PAAF1: variants seen among roughly 807,000 people sequenced by gnomAD.
PAAF1 encodes the protein proteasomal ATPase-associated factor 1.
Under a neutral mutation model 52.8 loss-of-function variants are expected in PAAF1, and 46 were observed. The ratio of observed to expected loss-of-function variants is 0.87; its 90% CI spans 0.69 to 1.11. The LOEUF is 1.11. PAAF1 is among the 50% of genes most tolerant of loss of function. The pLI is 0.00. For synonymous variants in PAAF1, 178 were observed against 172.8 expected (o/e 1.03, Z -0.24); for missense variants, 424 against 477.4 (o/e 0.89, Z 1.04).
intron 6 of PAAF1, among the ~76,000 whole-genome samples, chr11:73,909,177 C>T (rs777705677): frequency 2.0e-5 from 3 of 152,272 alleles, no homozygotes; most frequent in East Asian, 1.9e-4. Flanking sequence ...AAATTAAATC[C>T]AGTACTTGTT....
intron 2 of PAAF1, among the ~76,000 whole-genome samples, chr11:73,885,049 C>T (rs1237099036): frequency 4.6e-5 from 7 of 151,614 alleles, no homozygotes; most frequent in Non-Finnish European, 1.0e-4. Flanking sequence ...TTAGTAGAGA[C>T]GGGGTTTCAC....
intron 11 of PAAF1, among the ~76,000 whole-genome samples, chr11:73,926,536 T>C (rs1399478972): frequency 1.3e-5 from 2 of 152,124 alleles, no homozygotes; most frequent in African/African-American, 2.4e-5. Flanking sequence ...GGTGAAACCC[T>C]GTCTCTACTA....
chr11:73,901,838 T>C (rs539827001), intron 6 of PAAF1, among the ~76,000 whole-genome samples: 3 of 151,744 alleles, frequency 2.0e-5, no homozygotes, highest in Non-Finnish European at 4.4e-5. Context: ...CCCAAAGTGC[T>C]GGGATAACAG....
intron 4 of PAAF1, among the ~76,000 whole-genome samples, chr11:73,895,999 A>G (rs956775271): frequency 2.6e-5 from 4 of 152,174 alleles, no homozygotes; most frequent in African/African-American, 9.6e-5. Context: ...AATCTCAGCT[A>G]TTGGGAAGCT....
At chr11:73,878,953 G>C in intron 2 of PAAF1, 134 bp downstream of exon 2, 3 of 671,022 alleles carry the variant, frequency 4.5e-6, no homozygotes. Context: ...AGTCTGTACT[G>C]TATGGCCAAC....
chr11:73,923,696 C>T (rs1015388701), intron 10 of PAAF1, among the ~76,000 whole-genome samples: 3 of 151,956 alleles, frequency 2.0e-5, no homozygotes, highest in African/African-American at 7.3e-5. Flanking sequence ...CTACCATGCT[C>T]GGCTAATTTT....
At chr11:73,876,711 G>C (rs890126643), upstream of PAAF1, 1 of 275,074 alleles carries the variant, frequency 3.6e-6, no homozygotes, top group Admixed American at 5.3e-5. Context: ...TCGCAGCCCC[G>C]TTGTGCCCGC....
chr11:73,919,576 G>A (rs1478205088), intron 10 of PAAF1, among the ~76,000 whole-genome samples: 1 of 152,178 alleles, frequency 6.6e-6, no homozygotes, highest in Non-Finnish European at 1.5e-5. Flanking sequence ...ATTTCCAGAG[G>A]GCCTGCTATG....
intron 4 of PAAF1, among the ~76,000 whole-genome samples, chr11:73,898,638 G>A (rs1949502611): frequency 1.3e-5 from 2 of 152,120 alleles, no homozygotes; most frequent in South Asian, 4.1e-4. Flanking sequence ...GCAACATGGT[G>A]AAACTCTGTC....
chr11:73,926,163 A>C (rs1950350606), intron 11 of PAAF1, among the ~76,000 whole-genome samples: 1 of 151,630 alleles, frequency 6.6e-6, no homozygotes, highest in African/African-American at 2.4e-5. Flanking sequence ...CTGGAGTGCA[A>C]TGGCGCGATC....
At chr11:73,914,597 C>T (rs1324401742) in intron 8 of PAAF1, 93 bp downstream of exon 8, 1 of 1,014,060 alleles carries the variant, frequency 9.9e-7, no homozygotes, top group East Asian at 2.6e-5. Flanking sequence ...TACTTGCTCC[C>T]TGTGTTCACT....
In PAAF1 at chr11:73,929,661, A is replaced by C. The variant is rs1050070499; in HGVS notation, c.*2299A>C. 6.6e-6 allele frequency: 1 copy of C among 152,278 alleles called. No homozygotes were observed. The highest frequency in any genetic ancestry group is 1.5e-5 in the Non-Finnish European group (1 of 68,064). 9.4% of individuals were successfully genotyped at this position (152,278 alleles called of 1,614,324 possible). ...CTAGAGCAATTTCATTTCAAGGTGC[A>C]GTTTGTGACAGGGTCAGGTAGACCA... On this transcript the variant is annotated 3_prime_UTR_variant, in exon 12 of 12. Transcript: ENST00000310571.
chr11:73,901,582 G>T (rs1949613454), intron 6 of PAAF1, among the ~76,000 whole-genome samples: 1 of 151,472 alleles, frequency 6.6e-6, no homozygotes, highest in Non-Finnish European at 1.5e-5. Context: ...ATTGTAACTT[G>T]TGTGTGGAGA....
At chr11:73,924,501 C>T in intron 10 of PAAF1, 114 bp from the exon 11 acceptor site, 1 of 848,412 alleles carries the variant, frequency 1.2e-6, no homozygotes, top group South Asian at 1.7e-5. Context: ...CATTCTGGGT[C>T]TTTGGACCAT....
intron 10 of PAAF1, chr11:73,921,622 A>G: frequency 3.0e-6 from 2 of 672,592 alleles, no homozygotes; most frequent in South Asian, 1.4e-5. Flanking sequence ...AATGCTGCCC[A>G]GGGCTCTGGA....
At position 73,891,191 on chromosome 11, in the gene PAAF1, A is replaced by C; in HGVS notation, c.272A>C (p.His91Pro). The C allele has an allele frequency of 6.4e-7, 1 of 1,551,906 alleles. No homozygotes were observed. Among genetic ancestry groups the C allele is most frequent in the Non-Finnish European group, 8.9e-7 (1 of 1,127,352 alleles). The change falls in exon 4 of 12, where the codon CAT becomes CCT. Residue 91 changes from histidine (H) to proline (P), a missense_variant. His to Pro is a moderately conservative substitution (Grantham distance 77). Transcript: ENST00000310571. ...CCATATACTACTTTTTCCAGAATTC[A>C]TACAAAGAGTGTAAGTATTTTGATA... is the stretch of plus-strand genomic sequence containing the variant. Reference protein sequence around the residue: ...LAPYTTFSRIHTKSITCLDIS... With the variant: ...LAPYTTFSRIPTKSITCLDIS...
Position 73,921,526 on chromosome 11 carries a change from G to C in PAAF1, c.1018+2494G>C, listed in dbSNP as rs186697069. On this transcript the variant is annotated intron_variant, in intron 10 of 11. Coordinates refer to ENST00000310571, the MANE Select transcript of PAAF1 (RefSeq NM_025155.3). ...TTCTCCCACCCAAATTCTTGATCAA[G>C]AGTTTTTCAAGTAAAGACATGGTCT... is the stretch of plus-strand genomic sequence containing the variant. 91 of 523,286 alleles carry C rather than the reference G, an allele frequency of 1.7e-4. No individual in the cohort carries two copies. In the Admixed American group the frequency reaches 2.1e-3, roughly 12 times the overall value. The allele number at this position is 523,286 out of a possible 1,614,324, so 32.4% of individuals were successfully genotyped here.
rs149647921 is a variant in PAAF1 at position 73,886,218 on chromosome 11, A to G, written c.89-1136A>G. On this transcript the variant is annotated intron_variant, in intron 2 of 11. Coordinates refer to ENST00000310571, the MANE Select transcript of PAAF1 (RefSeq NM_025155.3). The stretch of plus-strand genomic sequence containing the variant: ...ATTCTTTACTATGTATTATGTGTAT[A>G]TACTGTAGATAAATACATGTATGCA... Among the ~76,000 whole-genome samples the G allele has an allele frequency of 2.6e-4, 39 of 152,326 alleles. No homozygotes were observed. The East Asian group carries it at 6.4e-3, about 25-fold the overall frequency.
chr11:73,887,751 ATTTTG>A (rs1949100158), intron 3 of PAAF1, among the ~76,000 whole-genome samples: 2 of 152,020 alleles, frequency 1.3e-5, no homozygotes, highest in Admixed American at 1.3e-4. Flanking sequence ...AATGAAATTG[ATTTTG>A]TTTTGTTTTT....
Sources: gnomAD v4.1 joint callset for allele counts (sites outside exome capture counted in the v4.1 genomes callset) on GRCh38, gnomAD v4.1.1 for gene constraint, MANE v1.5 for transcripts, NCBI Gene and HGNC (gene_info 2026-07-23, HGNC 2026-07-21) for gene names.